Variants in STK3 observed in about 807,000 individuals in gnomAD.
The protein encoded by STK3 is serine/threonine kinase 3.
Under a neutral mutation model 58.0 loss-of-function variants are expected in STK3, and 41 were observed. The ratio of observed to expected loss-of-function variants is 0.71; its 90% confidence interval spans 0.55 to 0.92. The LOEUF is 0.92. STK3 is among the 40% of genes least tolerant of loss of function. The probability of loss-of-function intolerance (pLI) is 0.00; values close to 1 mark genes in which losing one functional copy is unlikely to be tolerated. For missense variants in STK3, 479 were observed against 602.7 expected (o/e 0.79, Z 2.15); for synonymous variants, 170 against 191.0 (o/e 0.89, Z 0.91).
intron 4 of STK3, among the ~76,000 whole-genome samples, chr8:98,742,163 C>T (rs536420024): frequency 0.019 from 2,907 of 151,868 alleles, 46 homozygotes; most frequent in Non-Finnish European, 0.023. Context: ...CAAGGAGGAA[C>T]TGGTACCATT....
At chr8:98,531,523 G>A (rs1345023436) in intron 9 of STK3, among the ~76,000 whole-genome samples, 3 of 152,202 alleles carry the variant, frequency 2.0e-5, no homozygotes, top group Admixed American at 2.0e-4. Context: ...AGGCAGAGCA[G>A]AATGAGCATA....
intron 7 of STK3, chr8:98,595,597 C>G (rs1198465776): frequency 6.6e-6 from 1 of 152,282 alleles, no homozygotes; most frequent in African/African-American, 2.4e-5. Flanking sequence ...ACAAAGTCTA[C>G]TTACAATTAT....
chr8:98,344,437 A>G, the STK3 span, among the ~76,000 whole-genome samples: 919 of 152,334 alleles, frequency 6.0e-3, 9 homozygotes, highest in African/African-American at 0.021. Context: ...CCTGGGAAGG[A>G]GAAGGAGGGG....
the STK3 span, among the ~76,000 whole-genome samples, chr8:98,351,110 A>C: frequency 6.6e-6 from 1 of 152,206 alleles, no homozygotes; most frequent in Admixed American, 6.5e-5. Flanking sequence ...ACTGACTTTC[A>C]ACATAAACAT....
chr8:98,767,451 G>A, intron 2 of STK3, 80 bp from the exon 3 acceptor site: 2 of 1,323,738 alleles, frequency 1.5e-6, no homozygotes, highest in Non-Finnish European at 2.0e-6. Context: ...AGTTTTCTGT[G>A]GATAGTCTTT....
intron 10 of STK3, among the ~76,000 whole-genome samples, chr8:98,470,238 G>A (rs1820817129): frequency 6.6e-6 from 1 of 152,158 alleles, no homozygotes; most frequent in Non-Finnish European, 1.5e-5. Flanking sequence ...CCCATTTCTG[G>A]ATACCCATGA....
chr8:98,680,981 C>CTTT (rs371666746), intron 6 of STK3, among the ~76,000 whole-genome samples: 4 of 124,764 alleles, frequency 3.2e-5, no homozygotes, highest in Admixed American at 1.7e-4. Context: ...CCCCACCTTT[C>CTTT]TTTTTTTTTT....
chr8:98,869,441 A>G lies in STK3; in HGVS notation c.110+14206T>C, dbSNP rs537556371. Reference sequence around the variant, plus strand: ...GTCTCAAAAAATAAATAAATAAAATAAAATAATAAAGAATCTCTAGATGTA... The same window carrying G: ...GTCTCAAAAAATAAATAAATAAAATGAAATAATAAAGAATCTCTAGATGTA... On this transcript the variant is annotated intron_variant, in intron 3 of 12. Transcript: ENST00000523601. Among the ~76,000 whole-genome samples, 5 of 152,282 alleles carry G rather than the reference A, an allele frequency of 3.3e-5. No homozygotes were observed. In the South Asian group the frequency reaches 1.0e-3, roughly 32 times the overall value.
intron 1 of STK3, among the ~76,000 whole-genome samples, chr8:98,808,925 G>C (rs914318589): frequency 1.3e-5 from 2 of 152,270 alleles, no homozygotes; most frequent in South Asian, 2.1e-4. Context: ...CCTCCAGGGA[G>C]GGGAGAAGGA....
chr8:98,628,195 G>T (rs1818880491), intron 6 of STK3, among the ~76,000 whole-genome samples: 1 of 152,146 alleles, frequency 6.6e-6, no homozygotes, highest in South Asian at 2.1e-4. Context: ...GACAGAACTT[G>T]CCCCTGATTT....
chr8:98,488,345 G>A (rs776168313), intron 10 of STK3, among the ~76,000 whole-genome samples: 2 of 152,204 alleles, frequency 1.3e-5, no homozygotes, highest in African/African-American at 2.4e-5. Context: ...AAATGTCCTT[G>A]AGGGTGGGAT....
intron 6 of STK3, among the ~76,000 whole-genome samples, chr8:98,622,225 C>T (rs1056124947): frequency 4.0e-5 from 6 of 151,184 alleles, no homozygotes; most frequent in East Asian, 1.9e-4. Context: ...GCTGAGATTG[C>T]GCCACTGCAC....
chr8:98,548,720 T>C (rs114115513), intron 8 of STK3, among the ~76,000 whole-genome samples: 2,386 of 152,138 alleles, frequency 0.016, 78 homozygotes, highest in African/African-American at 0.055. Context: ...AACTCTTCAT[T>C]CCCCCTTTCC....
chr8:98,714,862 A>T (rs1167537341), intron 4 of STK3, among the ~76,000 whole-genome samples: 1 of 152,228 alleles, frequency 6.6e-6, no homozygotes, highest in East Asian at 1.9e-4. Flanking sequence ...TGGAGGCATC[A>T]CACTACCTGA....
chr8:98,795,338 A>T (rs1020166682), intron 1 of STK3, among the ~76,000 whole-genome samples: 2 of 16,744 alleles, frequency 1.2e-4, no homozygotes, highest in African/African-American at 5.7e-4. Flanking sequence ...CCTTCATGAT[A>T]AAAAAAAAAA....
Position 98,825,623 on chromosome 8 carries a change from C to T in STK3, c.-83G>A, listed in dbSNP as rs1046961480. On this transcript the variant is annotated 5_prime_UTR_variant, in exon 1 of 11. Coordinates refer to ENST00000419617, the MANE Select transcript of STK3 (RefSeq NM_006281.4). ...GAGCCGGGGCACCGGCCGGCCGAGC[C>T]TAGGGCACCACAGAGGGAAACTCTG... 6.7e-6 allele frequency: 9 copies of T among 1,337,846 alleles called. No homozygotes were observed. The highest frequency in any genetic ancestry group is 3.3e-5 in the East Asian group (1 of 29,880). 82.9% of individuals were successfully genotyped at this position (1,337,846 alleles called of 1,614,324 possible). A position where few individuals can be genotyped will look rare whatever the true frequency, so the allele number is the denominator to read the frequency against.
intron 9 of STK3, among the ~76,000 whole-genome samples, chr8:98,547,351 G>A (rs982038914): frequency 1.3e-5 from 2 of 152,220 alleles, no homozygotes; most frequent in Non-Finnish European, 2.9e-5. Flanking sequence ...GCTAGTCTGT[G>A]AAAGCATTCC....
At chr8:98,545,181 T>A (rs1018821596) in intron 9 of STK3, among the ~76,000 whole-genome samples, 9 of 152,216 alleles carry the variant, frequency 5.9e-5, no homozygotes, top group Non-Finnish European at 1.0e-4. Context: ...AACCTGCTTT[T>A]ACCCAGTGTC....
intron 6 of STK3, chr8:98,598,147 A>T: frequency 1.0e-6 from 1 of 985,410 alleles, no homozygotes; most frequent in Non-Finnish European, 1.2e-6. Flanking sequence ...AATATTGTTC[A>T]TCTGCACTTC....
Sources: allele counts gnomAD v4.1 joint callset (sites outside exome capture counted in the v4.1 genomes callset), GRCh38; gene constraint gnomAD v4.1.1; transcripts MANE v1.5; gene names NCBI Gene and HGNC (gene_info 2026-07-23, HGNC 2026-07-21).